Variants in SCMH1 observed in about 807,000 individuals in gnomAD.
SCMH1 encodes Scm polycomb group protein homolog 1.
A neutral mutation model predicts 70.8 loss-of-function variants in SCMH1; 37 were observed. That is an observed-to-expected ratio of 0.52 (90% confidence interval 0.40 to 0.69). The LOEUF (loss-of-function observed/expected upper bound fraction) is 0.69. Among genes scored for constraint, SCMH1 ranks in the 30% least tolerant of loss-of-function variants. The probability of loss-of-function intolerance (pLI) is 0.00; values close to 1 mark genes in which losing one functional copy is unlikely to be tolerated. For missense variants in SCMH1, 607 were observed against 827.3 expected (o/e 0.73, Z 3.27); for synonymous variants, 292 against 307.4 (o/e 0.95, Z 0.52).
intron 1 of SCMH1, among the ~76,000 whole-genome samples, chr1:41,227,528 A>G (rs1174641414): frequency 3.3e-5 from 5 of 152,232 alleles, no homozygotes; most frequent in Admixed American, 3.3e-4. Context: ...TTCTACTCAT[A>G]TGAAGTGCAT....
rs549047791 is a variant in SCMH1, at chr1:41,234,259, C to T, written c.-118+7800G>A. 3.9e-5 allele frequency among the ~76,000 whole-genome samples: 6 copies of T among 152,126 alleles called. No individual in the cohort carries two copies. The East Asian group carries it at 1.2e-3, about 29-fold the overall frequency. The stretch of plus-strand genomic sequence containing the variant: ...ACAACAGCCTGACAACATAGCAAGA[C>T]CCCTGTTTTTTTTCTTTCTGCTCTT... On this transcript the variant is annotated intron_variant, in intron 1 of 14. Coordinates refer to ENST00000337495, the Ensembl canonical transcript of SCMH1.
chr1:41,208,578 TC>T (rs1656215281), intron 1 of SCMH1, among the ~76,000 whole-genome samples: 1 of 152,022 alleles, frequency 6.6e-6, no homozygotes, highest in Non-Finnish European at 1.5e-5. Context: ...AGAAACTCAC[TC>T]AAAACCACAC....
chr1:41,209,451 G>A (rs1191763393), intron 1 of SCMH1, among the ~76,000 whole-genome samples: 1 of 152,132 alleles, frequency 6.6e-6, no homozygotes, highest in Non-Finnish European at 1.5e-5. Flanking sequence ...GATGAACATC[G>A]ATGCAAAAAC....
At chr1:41,107,305 CTA>C (rs1668195707) in intron 8 of SCMH1, among the ~76,000 whole-genome samples, 1 of 151,814 alleles carries the variant, frequency 6.6e-6, no homozygotes, top group Non-Finnish European at 1.5e-5. Flanking sequence ...CTTTATTGGT[CTA>C]TATGTTCACA....
chr1:41,042,605 G>T (rs191280339), intron 12 of SCMH1, among the ~76,000 whole-genome samples: 1 of 151,922 alleles, frequency 6.6e-6, no homozygotes, highest in East Asian at 2.0e-4. Context: ...TAGTTCTGAA[G>T]AAGAGACTCT....
intron 10 of SCMH1, among the ~76,000 whole-genome samples, chr1:41,055,814 T>C (rs1285257993): frequency 6.6e-6 from 1 of 152,158 alleles, no homozygotes; most frequent in Non-Finnish European, 1.5e-5. Flanking sequence ...TTGAAGGAGG[T>C]ATCCTTGACA....
chr1:41,078,607 G>T (rs2885697), intron 8 of SCMH1, among the ~76,000 whole-genome samples: 109,617 of 152,042 alleles, frequency 0.72, 40,213 homozygotes, highest in African/African-American at 0.86. Flanking sequence ...TAATAAAACT[G>T]TGTAAGCAAG....
intron 2 of SCMH1, among the ~76,000 whole-genome samples, chr1:41,165,660 A>G (rs1487014587): frequency 1.3e-5 from 2 of 152,004 alleles, no homozygotes; most frequent in South Asian, 2.1e-4. Context: ...CTTTTTTAAT[A>G]TATCTGTGGC....
At chr1:41,236,426 G>T (rs1290418925) in intron 1 of SCMH1, among the ~76,000 whole-genome samples, 1 of 152,148 alleles carries the variant, frequency 6.6e-6, no homozygotes, top group Non-Finnish European at 1.5e-5. Flanking sequence ...CAATAAAATG[G>T]TTAACAATGT....
In SCMH1 at chr1:41,200,632, C is replaced by T. The variant is rs563323152; in HGVS notation, c.-117-14382G>A. ...GCACACATAAACATACTAAATTAGT[C>T]TCATTAAACTAAATTAAAGGGAAGA... On this transcript the variant is annotated intron_variant, in intron 1 of 14. Coordinates refer to ENST00000337495, the Ensembl canonical transcript of SCMH1. Among the ~76,000 whole-genome samples the T allele has an allele frequency of 5.3e-5, 8 of 151,712 alleles. No homozygotes were observed. The South Asian group carries it at 1.7e-3, about 31-fold the overall frequency.
intron 1 of SCMH1, among the ~76,000 whole-genome samples, chr1:41,194,574 T>A (rs1402521562): frequency 6.6e-6 from 1 of 152,224 alleles, no homozygotes; most frequent in Non-Finnish European, 1.5e-5. Flanking sequence ...CTCAGCTTTA[T>A]GAGTTCAGAA....
At chr1:41,037,260 G>A in intron 13 of SCMH1, 102 bp downstream of exon 13, 3 of 1,196,988 alleles carry the variant, frequency 2.5e-6, no homozygotes, top group Non-Finnish European at 2.4e-6. Context: ...CCACCAGGCA[G>A]AGGGCAACAG....
intron 8 of SCMH1, among the ~76,000 whole-genome samples, chr1:41,088,636 T>C (rs1257388903): frequency 6.6e-6 from 1 of 152,114 alleles, no homozygotes; most frequent in Non-Finnish European, 1.5e-5. Context: ...CATGCCTGGC[T>C]AATTCACAAC....
intron 8 of SCMH1, among the ~76,000 whole-genome samples, chr1:41,075,833 C>A (rs934737478): frequency 1.3e-5 from 2 of 152,148 alleles, no homozygotes; most frequent in Middle Eastern, 3.2e-3. Context: ...CAGAACAAGA[C>A]ACAATGCCCT....
At chr1:41,055,211 A>G (rs562440339) in intron 10 of SCMH1, among the ~76,000 whole-genome samples, 1 of 152,338 alleles carries the variant, frequency 6.6e-6, no homozygotes, top group South Asian at 2.1e-4. Context: ...GCAGGAAGGA[A>G]ACTAAAAAGG....
chr1:41,143,010 T>C (rs1304719871), exon 6 of SCMH1: 1 of 1,614,066 alleles, frequency 6.2e-7, no homozygotes, highest in Non-Finnish European at 8.5e-7. Context: ...CGGGCACCTG[T>C]CAGTCCAACT....
intron 10 of SCMH1, among the ~76,000 whole-genome samples, chr1:41,053,975 G>A (rs1182924626): frequency 2.0e-5 from 3 of 152,070 alleles, no homozygotes; most frequent in Non-Finnish European, 4.4e-5. Flanking sequence ...CTCTCGAGTA[G>A]CTGGGACTAC....
chr1:41,111,062 T>C (rs1256577546), intron 8 of SCMH1, among the ~76,000 whole-genome samples: 1 of 152,258 alleles, frequency 6.6e-6, no homozygotes, highest in Non-Finnish European at 1.5e-5. Flanking sequence ...TAAGTGCTTA[T>C]TGGCTATCTG....
At chr1:41,214,269 C>T (rs1657643590) in intron 1 of SCMH1, among the ~76,000 whole-genome samples, 1 of 152,088 alleles carries the variant, frequency 6.6e-6, no homozygotes, top group Non-Finnish European at 1.5e-5. Context: ...AAGAAAGTGA[C>T]TCTATCTCTG....
Sources: gnomAD v4.1 joint callset for allele counts (sites outside exome capture counted in the v4.1 genomes callset) on GRCh38, gnomAD v4.1.1 for gene constraint, MANE v1.5 for transcripts, NCBI Gene and HGNC (gene_info 2026-07-23, HGNC 2026-07-21) for gene names.